Variants in SGCD observed in about 807,000 individuals in gnomAD.
The protein encoded by SGCD is sarcoglycan delta, also known as delta-sarcoglycan.
Under a neutral mutation model 36.6 loss-of-function variants are expected in SGCD, and 18 were observed. The ratio of observed to expected loss-of-function variants is 0.49; its 90% CI spans 0.34 to 0.73. The LOEUF is 0.73. SGCD is among the 30% of genes least tolerant of loss of function. The probability of loss-of-function intolerance (pLI) is 0.01; values close to 1 mark genes in which losing one functional copy is unlikely to be tolerated. For missense variants in SGCD, 387 were observed against 346.7 expected (o/e 1.12, Z -0.92); for synonymous variants, 133 against 130.6 (o/e 1.02, Z -0.12).
At chr5:155,890,809 T>A (rs906890955) in intron 1 of SGCD, among the ~76,000 whole-genome samples, 1 of 152,116 alleles carries the variant, frequency 6.6e-6, no homozygotes, top group African/African-American at 2.4e-5. Context: ...AACCCCCACC[T>A]ACGTTTTCCC....
At chr5:155,990,511 ATGAAT>A (rs1326714200) in intron 1 of SGCD, among the ~76,000 whole-genome samples, 1 of 152,176 alleles carries the variant, frequency 6.6e-6, no homozygotes, top group Non-Finnish European at 1.5e-5. Flanking sequence ...GGATTTCCAC[ATGAAT>A]TGAGGATGAA....
intron 4 of SGCD, among the ~76,000 whole-genome samples, chr5:156,516,816 A>G (rs187438806): frequency 0.013 from 1,996 of 152,196 alleles, 21 homozygotes; most frequent in Non-Finnish European, 0.021. Context: ...GGCCAACGTG[A>G]TGAAACCCTG....
the SGCD span, among the ~76,000 whole-genome samples, chr5:155,759,557 C>T: frequency 6.6e-6 from 1 of 152,176 alleles, no homozygotes; most frequent in Admixed American, 6.6e-5. Flanking sequence ...TAAACATGCA[C>T]ACTCCGCTGC....
chr5:156,331,971 A>C (rs974623938), intron 2 of SGCD, among the ~76,000 whole-genome samples: 2 of 151,914 alleles, frequency 1.3e-5, no homozygotes, highest in African/African-American at 2.4e-5. Flanking sequence ...CTCTTTCTTT[A>C]TTGGGTTCCA....
chr5:156,576,850 C>G (rs1487891380), intron 4 of SGCD, among the ~76,000 whole-genome samples: 1 of 152,058 alleles, frequency 6.6e-6, no homozygotes, highest in East Asian at 1.9e-4. Flanking sequence ...CAACAATTTT[C>G]TCCCATTCTG....
chr5:156,472,108 C>T (rs1754997479), intron 3 of SGCD, among the ~76,000 whole-genome samples: 1 of 152,050 alleles, frequency 6.6e-6, no homozygotes, highest in Admixed American at 6.6e-5. Context: ...TTGACTAAAC[C>T]AAGTGTTGAG....
chr5:156,694,417 A>C (rs1754228932), intron 7 of SGCD, among the ~76,000 whole-genome samples: 1 of 152,196 alleles, frequency 6.6e-6, no homozygotes, highest in South Asian at 2.1e-4. Flanking sequence ...TATTCTGGCC[A>C]CTTGCTTTAT....
intron 3 of SGCD, among the ~76,000 whole-genome samples, chr5:156,345,441 A>G (rs1185542537): frequency 1.3e-5 from 2 of 152,220 alleles, no homozygotes; most frequent in African/African-American, 4.8e-5. Flanking sequence ...CTAGCTCATT[A>G]ATGAGGAAAT....
At chr5:156,206,278 C>T (rs750267812) in intron 3 of SGCD, among the ~76,000 whole-genome samples, 5 of 151,752 alleles carry the variant, frequency 3.3e-5, no homozygotes, top group African/African-American at 1.2e-4. Context: ...GCTTGGCATT[C>T]GGGGTTTTCC....
intron 1 of SGCD, among the ~76,000 whole-genome samples, chr5:156,077,222 G>A (rs1336859999): frequency 2.6e-5 from 4 of 152,106 alleles, no homozygotes; most frequent in African/African-American, 7.2e-5. Flanking sequence ...AAGGTGCCAC[G>A]TGGCAAACTC....
At chr5:156,391,360 T>G (rs1424705449) in intron 3 of SGCD, among the ~76,000 whole-genome samples, 2 of 152,238 alleles carry the variant, frequency 1.3e-5, no homozygotes, top group Admixed American at 1.3e-4. Flanking sequence ...GATGCATTCC[T>G]CAGAACACGT....
At chr5:155,776,558 C>G in the SGCD span, among the ~76,000 whole-genome samples, 1 of 152,066 alleles carries the variant, frequency 6.6e-6, no homozygotes, top group Non-Finnish European at 1.5e-5. Flanking sequence ...AGTCCATCTC[C>G]AGTCTTCCTT....
chr5:156,488,111 T>TG (rs1031189783), intron 3 of SGCD, among the ~76,000 whole-genome samples: 7 of 144,982 alleles, frequency 4.8e-5, no homozygotes, highest in Admixed American at 2.0e-4. Flanking sequence ...TTTTTTTTTT[T>TG]TTTTTTTTTT....
upstream of SGCD, among the ~76,000 whole-genome samples, chr5:155,868,279 T>C (rs1267572694): frequency 1.3e-5 from 2 of 151,770 alleles, no homozygotes; most frequent in Non-Finnish European, 1.5e-5. Context: ...CTCAAGCTCC[T>C]GGCCTCAAGT....
chr5:156,246,417 T>C (rs1765440641), intron 3 of SGCD, among the ~76,000 whole-genome samples: 1 of 152,144 alleles, frequency 6.6e-6, no homozygotes, highest in South Asian at 2.1e-4. Context: ...TGTTTTCAGT[T>C]AGGAACAAAA....
At chr5:156,354,936 TTAG>T (rs1281684567) in intron 3 of SGCD, among the ~76,000 whole-genome samples, 1 of 152,190 alleles carries the variant, frequency 6.6e-6, no homozygotes, top group Non-Finnish European at 1.5e-5. Context: ...CTGAGAATCA[TTAG>T]TTAAGATTTC....
chr5:155,977,551 G>A (rs1409814667), intron 1 of SGCD, among the ~76,000 whole-genome samples: 1 of 152,180 alleles, frequency 6.6e-6, no homozygotes, highest in Non-Finnish European at 1.5e-5. Context: ...CCCTATTAAT[G>A]TGATATTAGA....
chr5:156,637,673 C>T (rs536740304), intron 6 of SGCD, among the ~76,000 whole-genome samples: 1 of 152,078 alleles, frequency 6.6e-6, no homozygotes, highest in South Asian at 2.1e-4. Context: ...ATAAATAATA[C>T]TAGGATTTTC....
intron 3 of SGCD, among the ~76,000 whole-genome samples, chr5:156,412,805 T>C (rs931196977): frequency 4.0e-5 from 6 of 148,812 alleles, no homozygotes; most frequent in African/African-American, 1.5e-4. Flanking sequence ...TTTTTTTTTT[T>C]TGAGACGGAG....
Sources: allele counts gnomAD v4.1 joint callset (sites outside exome capture counted in the v4.1 genomes callset), GRCh38; gene constraint gnomAD v4.1.1; transcripts MANE v1.5; gene names NCBI Gene and HGNC (gene_info 2026-07-23, HGNC 2026-07-21).